Variants in TRAPPC9 observed in about 807,000 individuals in gnomAD.
The protein encoded by TRAPPC9 is trafficking protein particle complex subunit 9.
A neutral mutation model predicts 124.0 loss-of-function variants in TRAPPC9; 83 were observed. The observed-to-expected ratio is 0.67, with a 90% CI of 0.56 to 0.80. The LOEUF is 0.80. Ranked by LOEUF, TRAPPC9 falls within the 30% of genes least tolerant of loss-of-function variation. The pLI, the probability that TRAPPC9 is intolerant of heterozygous loss-of-function variation, is 0.00. For missense variants in TRAPPC9, 1,302 were observed against 1,508.3 expected, an observed-to-expected ratio of 0.86 and a Z score of 2.27; for synonymous variants, 638 against 617.5, an observed-to-expected ratio of 1.03 and a Z score of -0.49.
rs567211831 is a variant in TRAPPC9, at chr8:140,406,197, T to C, written c.887-499A>G. Among the ~76,000 whole-genome samples, 19 of 152,246 alleles carry C rather than the reference T, an allele frequency of 1.2e-4. No homozygotes were observed. In the South Asian group the frequency reaches 3.9e-3, roughly 32 times the overall value. On this transcript the variant is annotated intron_variant, in intron 5 of 22. Coordinates refer to ENST00000438773, the MANE Select transcript of TRAPPC9 (RefSeq NM_001160372.4). Reference sequence around the variant, plus strand: ...CAACTCCTATCAATAAGCAGAAGCATCTGATTCCCCAGCCACCAAACCCAC... The same window carrying C: ...CAACTCCTATCAATAAGCAGAAGCACCTGATTCCCCAGCCACCAAACCCAC...
chr8:140,284,106 G>A (rs2065413567), intron 13 of TRAPPC9, 85 bp from the exon 14 acceptor site: 3 of 1,575,170 alleles, frequency 1.9e-6, no homozygotes, highest in South Asian at 1.1e-5. Context: ...AGAGTACGGG[G>A]CTCCTCTTCA....
At chr8:140,120,327 G>A (rs1199074270) in intron 17 of TRAPPC9, among the ~76,000 whole-genome samples, 2 of 152,290 alleles carry the variant, frequency 1.3e-5, no homozygotes, top group South Asian at 2.1e-4. Flanking sequence ...TGAATGAGGC[G>A]GGTGCTCTTC....
Position 140,253,423 on chromosome 8 carries a change from T to A in TRAPPC9, c.2279-494A>T, listed in dbSNP as rs1181982872. On this transcript the variant is annotated intron_variant, in intron 15 of 22. Transcript: ENST00000438773. ...AGGACGCTGTGGCTCACACTTATAA[T>A]CCCAGCACTTTGAAAGGCTGAGGCA... Among the ~76,000 whole-genome samples the A allele has an allele frequency of 2.0e-5, 3 of 152,096 alleles. No individual in the cohort carries two copies. The East Asian group carries it at 5.8e-4, about 29-fold the overall frequency.
intron 7 of TRAPPC9, among the ~76,000 whole-genome samples, chr8:140,380,692 C>T (rs12679752): frequency 0.15 from 21,589 of 147,024 alleles, 2,483 homozygotes; most frequent in East Asian, 0.54. Context: ...ATAAATTGGA[C>T]CCCCTAACTC....
At chr8:139,951,120 A>G (rs1834616911) in intron 19 of TRAPPC9, among the ~76,000 whole-genome samples, 1 of 152,100 alleles carries the variant, frequency 6.6e-6, no homozygotes, top group South Asian at 2.1e-4. Context: ...CTTCCTCCTA[A>G]GAAGTTGGAG....
chr8:140,155,803 G>A (rs1487695416), intron 17 of TRAPPC9, among the ~76,000 whole-genome samples: 2 of 152,184 alleles, frequency 1.3e-5, no homozygotes, highest in South Asian at 2.1e-4. Flanking sequence ...TGCCTCATGG[G>A]AAAGGGGTTA....
At chr8:139,777,056 C>G (rs1821443489) in intron 21 of TRAPPC9, among the ~76,000 whole-genome samples, 1 of 152,188 alleles carries the variant, frequency 6.6e-6, no homozygotes, top group Non-Finnish European at 1.5e-5. Flanking sequence ...CACCAAGGTC[C>G]TTCACCTTCC....
At chr8:140,308,672 G>A (rs1331068089) in intron 10 of TRAPPC9, among the ~76,000 whole-genome samples, 3 of 152,126 alleles carry the variant, frequency 2.0e-5, no homozygotes, top group Non-Finnish European at 4.4e-5. Flanking sequence ...CACGAGGTCA[G>A]GAGTTCGAGA....
chr8:140,368,655 T>G (rs578112280), intron 8 of TRAPPC9, among the ~76,000 whole-genome samples: 3 of 152,090 alleles, frequency 2.0e-5, no homozygotes, highest in Non-Finnish European at 2.9e-5. Context: ...CCCCCAGGTC[T>G]AGTTCTCTTC....
chr8:140,322,370 C>T (rs761865148), intron 9 of TRAPPC9, among the ~76,000 whole-genome samples: 40 of 152,252 alleles, frequency 2.6e-4, no homozygotes, highest in Non-Finnish European at 4.7e-4. Context: ...TTGGCAATGC[C>T]CCACCCCCCT....
intron 2 of TRAPPC9, among the ~76,000 whole-genome samples, chr8:140,448,976 G>A (rs978782955): frequency 6.6e-6 from 1 of 152,162 alleles, no homozygotes; most frequent in African/African-American, 2.4e-5. Context: ...CACAGAGCAG[G>A]TCTACAGCAT....
rs111378192 is a variant in TRAPPC9, at chr8:140,079,739, G to T, written c.2557-55660C>A. Among the ~76,000 whole-genome samples, 584 of 152,274 alleles carry T rather than the reference G, an allele frequency of 3.8e-3. 6 individuals are homozygous for T. Among genetic ancestry groups the T allele is most frequent in the African/African-American group, 0.013 (552 of 41,554 alleles). ...GAGGTCAGGAGTTTGAGACCAGCCT[G>T]CCCAACGTGGCAAAACTCCATTTCT... On this transcript the variant is annotated intron_variant, in intron 17 of 22. Transcript: ENST00000438773.
chr8:140,339,696 G>A (rs1051062956), intron 9 of TRAPPC9, among the ~76,000 whole-genome samples: 9 of 152,104 alleles, frequency 5.9e-5, no homozygotes, highest in East Asian at 1.9e-4. Context: ...CCAATACTGC[G>A]TATGAAACCC....
chr8:140,122,568 T>C (rs75500430), intron 17 of TRAPPC9, among the ~76,000 whole-genome samples: 3,891 of 152,350 alleles, frequency 0.026, 61 homozygotes, highest in Non-Finnish European at 0.039. Context: ...TAAGCCTTAG[T>C]TTTCCCTTTC....
chr8:140,243,335 A>G (rs2063908812), intron 16 of TRAPPC9, among the ~76,000 whole-genome samples: 1 of 152,266 alleles, frequency 6.6e-6, no homozygotes, highest in Admixed American at 6.5e-5. Context: ...TGTATCCCAG[A>G]GGAAAGAGGG....
chr8:140,357,326 G>A (rs1014019981), intron 9 of TRAPPC9, among the ~76,000 whole-genome samples: 1 of 152,256 alleles, frequency 6.6e-6, no homozygotes, highest in Non-Finnish European at 1.5e-5. Context: ...AGATGCAGCA[G>A]ACACAGCAGG....
At chr8:140,247,148 A>C (rs2064007866) in intron 16 of TRAPPC9, among the ~76,000 whole-genome samples, 1 of 152,228 alleles carries the variant, frequency 6.6e-6, no homozygotes, top group Non-Finnish European at 1.5e-5. Context: ...AATGTTCACC[A>C]CAAGTCCTTA....
At chr8:140,024,119 A>C in intron 17 of TRAPPC9, 40 bp from the exon 18 acceptor site, 1 of 1,602,916 alleles carries the variant, frequency 6.2e-7, no homozygotes, top group Non-Finnish European at 8.5e-7. Context: ...CACACACATT[A>C]GTAACTCTCT....
intron 21 of TRAPPC9, among the ~76,000 whole-genome samples, chr8:139,844,139 G>A (rs1586969665): frequency 6.6e-6 from 1 of 152,340 alleles, no homozygotes; most frequent in African/African-American, 2.4e-5. Context: ...GTCATAGAGT[G>A]GCTTTCATCA....
Sources: gnomAD v4.1 joint callset for allele counts (sites outside exome capture counted in the v4.1 genomes callset) on GRCh38, gnomAD v4.1.1 for gene constraint, MANE v1.5 for transcripts, NCBI Gene and HGNC (gene_info 2026-07-23, HGNC 2026-07-21) for gene names.